Variants in ZFYVE26 observed in about 807,000 individuals in gnomAD.
The protein encoded by ZFYVE26 is zinc finger FYVE-type containing 26.
In ZFYVE26, 181 loss-of-function variants were observed where a neutral mutation model predicts 276.5. The ratio of observed to expected loss-of-function variants is 0.65; its 90% confidence interval spans 0.58 to 0.74. The LOEUF is 0.74. Among genes scored for constraint, ZFYVE26 ranks in the 30% least tolerant of loss-of-function variants. The probability of loss-of-function intolerance (pLI) is 0.00; values close to 1 mark genes in which losing one functional copy is unlikely to be tolerated. For missense variants in ZFYVE26, 2,821 were observed against 3,097.9 expected, an observed-to-expected ratio of 0.91 and a Z score of 2.12; for synonymous variants, 1,129 against 1,203.1, an observed-to-expected ratio of 0.94 and a Z score of 1.27.
At chr14:67,768,841 T>C (rs183949680) in intron 29 of ZFYVE26, among the ~76,000 whole-genome samples, 32 of 152,278 alleles carry the variant, frequency 2.1e-4, no homozygotes, top group African/African-American at 7.5e-4. Flanking sequence ...GTAATCATTA[T>C]GGTAAATAAT....
At chr14:67,731,193 A>G (rs2038266687) in intron 13 of ZFYVE26, among the ~76,000 whole-genome samples, 1 of 145,124 alleles carries the variant, frequency 6.9e-6, no homozygotes, top group Non-Finnish European at 1.5e-5. Context: ...GTTTCTCATC[A>G]TATTTCTTTC....
chr14:67,745,693 A>T (rs1317267816), downstream of ZFYVE26, among the ~76,000 whole-genome samples: 1 of 151,998 alleles, frequency 6.6e-6, no homozygotes, highest in Non-Finnish European at 1.5e-5. Flanking sequence ...TTGAAAAGAT[A>T]TGTAGAGCTT....
chr14:67,794,075 C>G, intron 13 of ZFYVE26, 96 bp downstream of exon 13: 1 of 1,373,112 alleles, frequency 7.3e-7, no homozygotes, highest in Non-Finnish European at 1.0e-6. Flanking sequence ...GAATAACAAC[C>G]TTGACTGCTC....
Position 67,816,035 on chromosome 14 carries a change from G to A in ZFYVE26, c.-72C>T, listed in dbSNP as rs2040399816. The A allele has an allele frequency of 3.9e-6, 5 of 1,293,872 alleles. No individual in the cohort carries two copies. The Middle Eastern group carries it at 5.6e-4, about 146-fold the overall frequency. 80.1% of individuals were successfully genotyped at this position (1,293,872 alleles called of 1,614,324 possible). A position where few individuals can be genotyped will look rare whatever the true frequency, so the allele number is the denominator to read the frequency against. On this transcript the variant is annotated 5_prime_UTR_variant, in exon 2 of 42. An upstream open reading frame in the 5' UTR gains an earlier in-frame stop. Transcript: ENST00000347230. ...GAACACATTCTCAATGTTCTCATTC[G>A]CGGAGTACCTCCTAGAAACAACACA...
At chr14:67,795,556 A>G (rs2140239979) in intron 12 of ZFYVE26, among the ~76,000 whole-genome samples, 1 of 152,332 alleles carries the variant, frequency 6.6e-6, no homozygotes, top group Middle Eastern at 3.4e-3. Flanking sequence ...CGAAGTCAAA[A>G]GCCTAGCTTG....
chr14:67,766,513 G>T, intron 31 of ZFYVE26, 66 bp from the exon 32 acceptor site: 2 of 1,474,818 alleles, frequency 1.4e-6, no homozygotes, highest in Non-Finnish European at 1.9e-6. Context: ...TCCAAAGGCA[G>T]CTGGGTGGCA....
chr14:67,768,751 A>AGGGAG (rs2039127152), intron 29 of ZFYVE26, among the ~76,000 whole-genome samples: 1 of 152,110 alleles, frequency 6.6e-6, no homozygotes, highest in Non-Finnish European at 1.5e-5. Flanking sequence ...TAATTCCTCC[A>AGGGAG]GGAGGGAGGG....
chr14:67,733,331 C>T (rs73276676), intron 13 of ZFYVE26, among the ~76,000 whole-genome samples: 2,368 of 152,238 alleles, frequency 0.016, 73 homozygotes, highest in African/African-American at 0.054. Context: ...TTAATTTAAC[C>T]TCCAACTGAG....
At chr14:67,789,917 T>C (rs1461826230) in intron 15 of ZFYVE26, among the ~76,000 whole-genome samples, 1 of 152,186 alleles carries the variant, frequency 6.6e-6, no homozygotes, top group Non-Finnish European at 1.5e-5. Context: ...AAAAGCAAGG[T>C]AGACTATAGT....
Position 67,798,456 on chromosome 14 carries a change from A to C in ZFYVE26, c.1806T>G (p.Asp602Glu), listed in dbSNP as rs753113451. The change falls in exon 11 of 42, where the codon GAT becomes GAG. Residue 602 changes from aspartate to glutamate, a missense_variant. By Grantham distance (45) the Asp-to-Glu change is conservative. Coordinates refer to ENST00000347230, the MANE Select transcript of ZFYVE26 (RefSeq NM_015346.4). ...AGGGGCTCTTCCCCTCAATGTCATC[A>C]TCCTCAGCATAGTCCTCAGGCAAGT... ...EPHLPEDYAE[D>E]DDIEGKSPSG... The C allele has an allele frequency of 1.2e-6, 2 of 1,614,190 alleles. No individual in the cohort carries two copies. The highest frequency in any genetic ancestry group is 8.5e-7 in the Non-Finnish European group (1 of 1,180,034).
Position 67,784,790 on chromosome 14 carries a change from CAA to C in ZFYVE26, c.3523+267_3523+268del, listed in dbSNP as rs34079107. The stretch of plus-strand genomic sequence containing the variant: ...AGACTTGATTCCTCTGCTGGGTGCT[CAA>C]ATTCACAATGGACCACAGGTCTGAC... On this transcript the variant is annotated intron_variant, in intron 19 of 41. Coordinates refer to ENST00000347230, the MANE Select transcript of ZFYVE26 (RefSeq NM_015346.4). Among the ~76,000 whole-genome samples the C allele has an allele frequency of 0.064, 9,787 of 152,224 alleles. 941 individuals are homozygous for C. The highest frequency in any genetic ancestry group is 0.21 in the African/African-American group (8,615 of 41,482).
intron 16 of ZFYVE26, among the ~76,000 whole-genome samples, chr14:67,788,418 AC>A (rs1379856974): frequency 6.6e-6 from 1 of 151,866 alleles, no homozygotes; most frequent in African/African-American, 2.4e-5. Flanking sequence ...AAACAAACAA[AC>A]CTTGGGCCTT....
intron 2 of ZFYVE26, 38 bp from the exon 3 acceptor site, chr14:67,814,102 T>G (rs766438876): frequency 6.6e-7 from 1 of 1,515,758 alleles, no homozygotes. Context: ...AAAAAAGAGT[T>G]TCTACTGATC....
intron 1 of ZFYVE26, 34 bp from the exon 2 acceptor site, chr14:67,816,080 G>T: frequency 1.2e-6 from 1 of 827,826 alleles, no homozygotes; most frequent in Non-Finnish European, 1.9e-6. Flanking sequence ...AGAAGAAACA[G>T]AAGGCACTGT....
intron 32 of ZFYVE26, 132 bp from the exon 33 acceptor site, chr14:67,762,951 G>C: frequency 2.3e-6 from 3 of 1,284,734 alleles, no homozygotes; most frequent in Non-Finnish European, 3.3e-6. Context: ...CACCCAGGCT[G>C]GAGTGCAGTG....
chr14:67,798,933 T>A lies in ZFYVE26; in HGVS notation c.1640-311A>T, dbSNP rs905806413. ...AGGGCGCTGAGCTCCGCTTGGCGCC[T>A]CTGATCTTTATTTCTCGCGCCGCGG... On this transcript the variant is annotated intron_variant, in intron 10 of 41. Coordinates refer to ENST00000347230, the MANE Select transcript of ZFYVE26 (RefSeq NM_015346.4). 9.1e-6 allele frequency: 10 copies of A among 1,096,102 alleles called. No individual in the cohort carries two copies. The African/African-American group carries it at 1.1e-4, about 12-fold the overall frequency. The allele number at this position is 1,096,102 out of a possible 1,614,324, so 67.9% of individuals were successfully genotyped here. A position where few individuals can be genotyped will look rare whatever the true frequency, so the allele number is the denominator to read the frequency against.
At chr14:67,809,429 T>A (rs1056658676) in intron 3 of ZFYVE26, 140 bp from the exon 4 acceptor site, 33 of 670,708 alleles carry the variant, frequency 4.9e-5, no homozygotes, top group South Asian at 1.2e-4. Flanking sequence ...TTTTTTTTTT[T>A]TTTTTTATTT....
intron 41 of ZFYVE26, among the ~76,000 whole-genome samples, chr14:67,749,379 G>A (rs959732789): frequency 2.6e-5 from 4 of 152,124 alleles, no homozygotes; most frequent in Non-Finnish European, 5.9e-5. Context: ...GCTGTTGCAG[G>A]ATATGCGTAT....
intron 32 of ZFYVE26, among the ~76,000 whole-genome samples, chr14:67,764,350 T>C (rs1180038477): frequency 6.6e-6 from 1 of 152,178 alleles, no homozygotes; most frequent in Non-Finnish European, 1.5e-5. Flanking sequence ...TATTTTTGCA[T>C]ATTTGGGAAA....
Sources: gnomAD v4.1 joint callset for allele counts (sites outside exome capture counted in the v4.1 genomes callset) on GRCh38, gnomAD v4.1.1 for gene constraint, MANE v1.5 for transcripts, NCBI Gene and HGNC (gene_info 2026-07-23, HGNC 2026-07-21) for gene names.